The following FBXO10 variants were observed in gnomAD, a reference collection of about 807,000 sequenced individuals.
The protein encoded by FBXO10 is F-box only protein 10.
A neutral mutation model predicts 80.7 loss-of-function variants in FBXO10; 39 were observed. The observed-to-expected ratio is 0.48, with a 90% CI of 0.37 to 0.63. FBXO10 has a LOEUF of 0.63. Ranked by LOEUF, FBXO10 falls within the 30% of genes least tolerant of loss-of-function variation. The pLI, the probability that FBXO10 is intolerant of heterozygous loss-of-function variation, is 0.00. For synonymous variants in FBXO10, 449 were observed against 489.6 expected, an observed-to-expected ratio of 0.92 and a Z score of 1.09; for missense variants, 1,025 against 1,269.0, an observed-to-expected ratio of 0.81 and a Z score of 2.92.
intron 3 of FBXO10, among the ~76,000 whole-genome samples, chr9:37,535,024 TGCTGAGGGAGG>T (rs1277854169): frequency 7.9e-5 from 12 of 152,266 alleles, no homozygotes; most frequent in African/African-American, 2.9e-4. Flanking sequence ...GGCAGTCTAC[TGCTGAGGGAGG>T]GCGAGAGCAG....
In FBXO10 at chr9:37,537,467, G is replaced by A. The variant is rs964115017; in HGVS notation, c.1062C>T (p.Ser354=). The A allele has an allele frequency of 2.5e-6, 4 of 1,606,410 alleles. No homozygotes were observed. Among genetic ancestry groups the A allele is most frequent in the African/African-American group, 2.7e-5 (2 of 74,814 alleles). ...CACCGCTGGGACTCAGGCCTCCATCGCTGCTGTCCGGGGTCTGGGCCACCC... is the reference window on the plus strand; with the variant it reads ...CACCGCTGGGACTCAGGCCTCCATCACTGCTGTCCGGGGTCTGGGCCACCC... ...GERVAQTPDS[S]DGGLSPSGED... The change falls in exon 3 of 11, where the codon AGC becomes AGT. Residue 354 remains serine, a synonymous_variant. Coordinates refer to ENST00000432825, the MANE Select transcript of FBXO10 (RefSeq NM_012166.3).
At chr9:37,537,072 A>G (rs751082288) in intron 3 of FBXO10, 38 bp downstream of exon 3, 9 of 1,505,808 alleles carry the variant, frequency 6.0e-6, no homozygotes, top group Non-Finnish European at 7.2e-6. Flanking sequence ...ACATATAGCC[A>G]CAGGAGCCCC....
chr9:37,565,064 C>T (rs758261821), intron 1 of FBXO10, among the ~76,000 whole-genome samples: 38 of 152,098 alleles, frequency 2.5e-4, no homozygotes, highest in Admixed American at 7.2e-4. Context: ...GCACGGTTTC[C>T]CCCATGCTGT....
rs2119219230 is a variant in FBXO10 at position 37,576,338 on chromosome 9, C to A, written c.-134G>T. ...GCGTGCGGCCAGCCCCGCCCGGGGG[C>A]GGACAGCTGCCTGGGGATCGTGCGG... On this transcript the variant is annotated 5_prime_UTR_variant, in exon 1 of 11. Transcript: ENST00000432825. 6.6e-6 allele frequency: 1 copy of A among 152,008 alleles called. No homozygotes were observed. The highest frequency in any genetic ancestry group is 2.4e-5 in the African/African-American group (1 of 41,506). 9.4% of individuals were successfully genotyped at this position (152,008 alleles called of 1,614,324 possible). A position where few individuals can be genotyped will look rare whatever the true frequency, so the allele number is the denominator to read the frequency against.
chr9:37,512,796 A>G, intron 10 of FBXO10, 75 bp from the exon 11 acceptor site: 1 of 1,475,878 alleles, frequency 6.8e-7, no homozygotes, highest in Non-Finnish European at 9.1e-7. Context: ...CACAGTCTTA[A>G]CTTGGGTTCC....
Position 37,537,235 on chromosome 9 carries a change from T to C in FBXO10, c.1294A>G (p.Ile432Val). The C allele has an allele frequency of 6.2e-7, 1 of 1,613,940 alleles. No homozygotes were observed. Among genetic ancestry groups the C allele is most frequent in the South Asian group, 1.1e-5 (1 of 91,088 alleles). The change falls in exon 3 of 11, where the codon ATC becomes GTC. Residue 432 changes from isoleucine (I) to valine (V), a missense_variant. This residue lies in a region of FBXO10 where 478 missense variants were observed against 667.8 expected (regional missense o/e 0.72). Transcript: ENST00000432825. ...ALANSVQGCL[I>V]RKCLFRDGKG... ...CCGTCCCGGAAGAGGCACTTGCGGA[T>C]GAGGCAGCCCTGCACGGAGTTGGCC...
Position 37,550,169 on chromosome 9 carries a change from G to GTTTTTTTTTTTTTTT in FBXO10, c.-6-8410_-6-8396dup, listed in dbSNP as rs74171511. 2.1e-4 allele frequency among the ~76,000 whole-genome samples: 14 copies of GTTTTTTTTTTTTTTT among 68,004 alleles called. 3 individuals are homozygous for GTTTTTTTTTTTTTTT. Among genetic ancestry groups the GTTTTTTTTTTTTTTT allele is most frequent in the African/African-American group, 2.6e-4 (5 of 19,372 alleles). 44.6% of individuals were successfully genotyped at this position (68,004 alleles called of 152,430 possible). On this transcript the variant is annotated intron_variant, in intron 1 of 10. Transcript: ENST00000432825. ...CAGTTTTCTTTTTTTGTCGTCTCAGGTTTTTTTTTTTTTTTTTTTTTTTTT... is the reference window on the plus strand; with the variant it reads ...CAGTTTTCTTTTTTTGTCGTCTCAGGTTTTTTTTTTTTTTTTTTTTTTTTTTTTTTTTTTTTTTTT...
At chr9:37,536,818 T>C (rs1176382126) in intron 3 of FBXO10, among the ~76,000 whole-genome samples, 1 of 152,148 alleles carries the variant, frequency 6.6e-6, no homozygotes, top group Non-Finnish European at 1.5e-5. Flanking sequence ...TGGTGAGATA[T>C]GTGAGCAGCA....
Position 37,522,981 on chromosome 9 carries a change from T to C in FBXO10, c.1778-4A>G, listed in dbSNP as rs1588827357. 6.3e-7 allele frequency: 1 copy of C among 1,590,430 alleles called. No individual in the cohort carries two copies. Among genetic ancestry groups the C allele is most frequent in the Non-Finnish European group, 8.6e-7 (1 of 1,168,722 alleles). ...TGATTCTCACGGATGACATTTTCTATGGAGAGAAGCAGAAAAGAAGGTCAG... is the reference window on the plus strand; with the variant it reads ...TGATTCTCACGGATGACATTTTCTACGGAGAGAAGCAGAAAAGAAGGTCAG... On this transcript the variant is annotated splice_region_variant and splice_polypyrimidine_tract_variant and intron_variant, in intron 6 of 10. Coordinates refer to ENST00000432825, the MANE Select transcript of FBXO10 (RefSeq NM_012166.3).
intron 1 of FBXO10, among the ~76,000 whole-genome samples, chr9:37,544,112 C>CA (rs1165898489): frequency 2.6e-5 from 4 of 152,118 alleles, no homozygotes; most frequent in Admixed American, 6.6e-5. Flanking sequence ...ACTAAAAATA[C>CA]AAAAAAATTA....
At chr9:37,568,630 T>A (rs1822668808) in intron 1 of FBXO10, among the ~76,000 whole-genome samples, 2 of 152,200 alleles carry the variant, frequency 1.3e-5, no homozygotes, top group South Asian at 4.1e-4. Context: ...TGTATTTACA[T>A]CTCCTCTACC....
chr9:37,569,260 CA>C (rs67975729), intron 1 of FBXO10, among the ~76,000 whole-genome samples: 4,261 of 133,108 alleles, frequency 0.032, 207 homozygotes, highest in African/African-American at 0.11. Context: ...AAGTATAAGG[CA>C]AAAAAAAAAA....
chr9:37,560,111 T>C (rs766597266), intron 1 of FBXO10, among the ~76,000 whole-genome samples: 11 of 152,166 alleles, frequency 7.2e-5, no homozygotes, highest in Non-Finnish European at 1.3e-4. Flanking sequence ...ACTAAGAAGC[T>C]TGTACTGTCT....
rs188879323 is a variant in FBXO10 at position 37,569,195 on chromosome 9, C to T, written c.-7+7016G>A. On this transcript the variant is annotated intron_variant, in intron 1 of 10. Transcript: ENST00000432825. ...AAACACAGTTACAGAAAAGATGCAA[C>T]TAATGGAAAAAAAATACCTTGTGTA... 1.9e-3 allele frequency among the ~76,000 whole-genome samples: 289 copies of T among 149,552 alleles called. 2 individuals carry two copies. Among genetic ancestry groups the T allele is most frequent in the African/African-American group, 6.3e-3 (257 of 40,650 alleles).
chr9:37,529,038 A>G (rs1821547687), intron 5 of FBXO10, 86 bp downstream of exon 5: 2 of 1,542,798 alleles, frequency 1.3e-6, no homozygotes, highest in Non-Finnish European at 8.8e-7. Flanking sequence ...GCATCTGTAC[A>G]GTTGTTTCCG....
At chr9:37,545,304 G>A (rs1822030644) in intron 1 of FBXO10, among the ~76,000 whole-genome samples, 1 of 150,084 alleles carries the variant, frequency 6.7e-6, no homozygotes, top group South Asian at 2.1e-4. Context: ...AGCCTCCTGA[G>A]TAGCTGGGAT....
chr9:37,512,317 C>A lies in FBXO10; in HGVS notation c.*230G>T. 2.3e-6 allele frequency: 1 copy of A among 436,792 alleles called. No individual in the cohort carries two copies. Among genetic ancestry groups the A allele is most frequent in the Non-Finnish European group, 4.1e-6 (1 of 246,246 alleles). The allele number at this position is 436,792 out of a possible 1,614,324, so 27.1% of individuals were successfully genotyped here. ...CGCTCTTCACAATCTTTATAGACTT[C>A]GAGTGACTGGAAACCCACCAGCTTC... On this transcript the variant is annotated 3_prime_UTR_variant, in exon 11 of 11. Transcript: ENST00000432825.
rs1362394393 is a variant in FBXO10, at chr9:37,524,985, C to T, written c.1777+117G>A. On this transcript the variant is annotated intron_variant, in intron 6 of 10. Coordinates refer to ENST00000432825, the MANE Select transcript of FBXO10 (RefSeq NM_012166.3). Reference sequence around the variant, plus strand: ...CGTCCCTGAGCTCCAGCCCACCAGTCAGAGAAAGAGGCCATAGTCTGTGGG... The same window carrying T: ...CGTCCCTGAGCTCCAGCCCACCAGTTAGAGAAAGAGGCCATAGTCTGTGGG... The T allele has an allele frequency of 3.5e-6, 3 of 860,836 alleles. No individual in the cohort carries two copies. The African/African-American group carries it at 5.1e-5, about 15-fold the overall frequency. 53.3% of individuals were successfully genotyped at this position (860,836 alleles called of 1,614,324 possible). A position where few individuals can be genotyped will look rare whatever the true frequency, so the allele number is the denominator to read the frequency against.
At chr9:37,536,566 C>G (rs1821771063) in intron 3 of FBXO10, among the ~76,000 whole-genome samples, 1 of 152,168 alleles carries the variant, frequency 6.6e-6, no homozygotes, top group Non-Finnish European at 1.5e-5. Flanking sequence ...ATCCTTCAAC[C>G]TAGCCCCACC....
Sources: gnomAD v4.1 joint callset for allele counts (sites outside exome capture counted in the v4.1 genomes callset) on GRCh38, gnomAD v4.1.1 for gene constraint, gnomAD v4.1.1 regional missense constraint, MANE v1.5 for transcripts, NCBI Gene and HGNC (gene_info 2026-07-23, HGNC 2026-07-21) for gene names.